The following MIPOL1 variants were observed in gnomAD, a reference collection of about 807,000 sequenced individuals.
The protein encoded by MIPOL1 is mirror-image polydactyly gene 1 protein.
In MIPOL1, 57 loss-of-function variants were observed where a neutral mutation model predicts 60.9. That is an observed-to-expected ratio of 0.94 (90% CI 0.76 to 1.17). MIPOL1 has a LOEUF of 1.17. MIPOL1 is among the 50% of genes most tolerant of loss of function. The pLI is 0.00. For missense variants in MIPOL1, 551 were observed against 511.6 expected, an observed-to-expected ratio of 1.08 and a Z score of -0.74; for synonymous variants, 179 against 168.8, an observed-to-expected ratio of 1.06 and a Z score of -0.47.
At chr14:37,410,279 G>T (rs1390858056) in intron 10 of MIPOL1, among the ~76,000 whole-genome samples, 1 of 152,100 alleles carries the variant, frequency 6.6e-6, no homozygotes, top group Non-Finnish European at 1.5e-5. Flanking sequence ...AATGGGTGCA[G>T]CATACCAGCA....
intron 1 of MIPOL1, among the ~76,000 whole-genome samples, chr14:37,226,643 A>G (rs1969800120): frequency 6.6e-6 from 1 of 152,164 alleles, no homozygotes; most frequent in Admixed American, 6.5e-5. Flanking sequence ...GGGACACAGC[A>G]AAACCATATC....
Position 37,461,081 on chromosome 14 carries a change from G to A in MIPOL1, c.1031+38132G>A, listed in dbSNP as rs114155235. On this transcript the variant is annotated intron_variant, in intron 11 of 12. Transcript: ENST00000684589. ...AAGCAAAAAGGACAAAGCTGGTGGAGGCATCACATTACCTGACTTCAAATT... is the reference window on the plus strand; with the variant it reads ...AAGCAAAAAGGACAAAGCTGGTGGAAGCATCACATTACCTGACTTCAAATT... Among the ~76,000 whole-genome samples the A allele has an allele frequency of 2.5e-3, 379 of 152,216 alleles. 1 individual carries two copies. Among genetic ancestry groups the A allele is most frequent in the African/African-American group, 8.9e-3 (371 of 41,536 alleles).
At chr14:37,385,719 TAAA>T (rs1306635132) in intron 10 of MIPOL1, 1 of 151,790 alleles carries the variant, frequency 6.6e-6, no homozygotes, top group African/African-American at 2.4e-5. Flanking sequence ...AACCATTTTT[TAAA>T]AAAAAGATTT....
chr14:37,426,594 T>TATATATATATATATACAC (rs1447990257), intron 11 of MIPOL1, among the ~76,000 whole-genome samples: 9 of 125,432 alleles, frequency 7.2e-5, no homozygotes, highest in African/African-American at 1.2e-4. Flanking sequence ...TATATATATA[T>TATATATATATATATACAC]ACACACACAC....
chr14:37,443,409 T>C (rs1158289396), intron 11 of MIPOL1, among the ~76,000 whole-genome samples: 3 of 126,770 alleles, frequency 2.4e-5, no homozygotes, highest in African/African-American at 9.6e-5. Flanking sequence ...CAGTGAGCTA[T>C]GATTGCACCA....
chr14:37,415,304 A>G (rs1013114974), intron 10 of MIPOL1, among the ~76,000 whole-genome samples: 1 of 152,122 alleles, frequency 6.6e-6, no homozygotes. Flanking sequence ...ATCAAATTAG[A>G]TAATATAATT....
intron 3 of MIPOL1, among the ~76,000 whole-genome samples, chr14:37,255,592 G>A (rs78796257): frequency 0.04 from 6,017 of 151,686 alleles, 272 homozygotes; most frequent in African/African-American, 0.11. Context: ...CATGTAGGAC[G>A]TTATTATCTT....
intron 9 of MIPOL1, among the ~76,000 whole-genome samples, chr14:37,310,274 T>C (rs2087204751): frequency 6.6e-6 from 1 of 152,176 alleles, no homozygotes; most frequent in Non-Finnish European, 1.5e-5. Flanking sequence ...TTACCTTAAA[T>C]CCATGACCAA....
At chr14:37,507,563 T>C (rs529822952) in intron 12 of MIPOL1, 20 of 152,146 alleles carry the variant, frequency 1.3e-4, no homozygotes, top group African/African-American at 4.3e-4. Context: ...ATGAGAACAC[T>C]TGGACACAGG....
chr14:37,257,085 T>G (rs1397777234), intron 3 of MIPOL1, among the ~76,000 whole-genome samples: 3 of 127,532 alleles, frequency 2.4e-5, no homozygotes, highest in Non-Finnish European at 5.0e-5. Context: ...TTGGGTTTTT[T>G]GGTTTTGTTT....
chr14:37,511,117 G>A (rs1258276331), intron 12 of MIPOL1, among the ~76,000 whole-genome samples: 2 of 151,924 alleles, frequency 1.3e-5, no homozygotes, highest in African/African-American at 2.4e-5. Context: ...AAATATTTCA[G>A]CCTATGGGAG....
intron 1 of MIPOL1, among the ~76,000 whole-genome samples, chr14:37,209,543 CCAG>C (rs1158955191): frequency 1.3e-5 from 2 of 152,056 alleles, no homozygotes; most frequent in East Asian, 3.9e-4. Flanking sequence ...GCCTGTAATC[CCAG>C]CTACTCAGTA....
At chr14:37,232,841 G>A (rs931564028) in intron 1 of MIPOL1, among the ~76,000 whole-genome samples, 3 of 152,116 alleles carry the variant, frequency 2.0e-5, no homozygotes, top group Non-Finnish European at 4.4e-5. Flanking sequence ...TAATGAACCT[G>A]CAATCCCATT....
At chr14:37,435,496 A>G (rs1401325766) in intron 11 of MIPOL1, among the ~76,000 whole-genome samples, 2 of 151,866 alleles carry the variant, frequency 1.3e-5, no homozygotes, top group African/African-American at 2.4e-5. Context: ...ATACTGTATT[A>G]GTGGATTGTC....
chr14:37,206,988 A>G (rs932571810), intron 1 of MIPOL1, among the ~76,000 whole-genome samples: 1 of 152,124 alleles, frequency 6.6e-6, no homozygotes, highest in African/African-American at 2.4e-5. Context: ...AGGGCTGTGG[A>G]CTTTTGAGTT....
At chr14:37,318,955 T>G (rs1310410590) in intron 9 of MIPOL1, among the ~76,000 whole-genome samples, 1 of 152,000 alleles carries the variant, frequency 6.6e-6, no homozygotes, top group East Asian at 1.9e-4. Flanking sequence ...TCCTCCAACC[T>G]CAGCCTCCAG....
chr14:37,397,840 A>C (rs2093405346), intron 10 of MIPOL1, among the ~76,000 whole-genome samples: 1 of 152,020 alleles, frequency 6.6e-6, no homozygotes, highest in East Asian at 1.9e-4. Context: ...TAACAACCCC[A>C]AGTCTGTTTC....
intron 1 of MIPOL1, among the ~76,000 whole-genome samples, chr14:37,205,803 CT>C (rs1566980577): frequency 6.6e-6 from 1 of 152,122 alleles, no homozygotes; most frequent in Non-Finnish European, 1.5e-5. Flanking sequence ...TGATCTCATG[CT>C]TTTTTATGGC....
intron 11 of MIPOL1, among the ~76,000 whole-genome samples, chr14:37,428,362 T>TG (rs2094001725): frequency 6.6e-6 from 1 of 152,174 alleles, no homozygotes; most frequent in Non-Finnish European, 1.5e-5. Flanking sequence ...TTTGGGAGGC[T>TG]GGCGGATCAC....
Sources: allele counts gnomAD v4.1 joint callset (sites outside exome capture counted in the v4.1 genomes callset), GRCh38; gene constraint gnomAD v4.1.1; transcripts MANE v1.5; gene names NCBI Gene and HGNC (gene_info 2026-07-23, HGNC 2026-07-21).